Variants in TMC1 observed in about 807,000 individuals in gnomAD.
TMC1 encodes the protein transmembrane channel-like protein 1.
TMC1 carries 84 observed loss-of-function variants against 105.8 expected under a neutral mutation model. The observed-to-expected ratio is 0.79, with a 90% CI of 0.67 to 0.95. The LOEUF (loss-of-function observed/expected upper bound fraction) is 0.95, where lower values mean the gene tolerates loss of function less well. Ranked by LOEUF, TMC1 falls within the 40% of genes least tolerant of loss-of-function variation. TMC1 has a pLI of 0.00. For missense variants in TMC1, 817 were observed against 914.1 expected (o/e 0.89, Z 1.37); for synonymous variants, 315 against 311.5 (o/e 1.01, Z -0.12).
intron 2 of TMC1, among the ~76,000 whole-genome samples, chr9:72,615,277 G>C (rs1825107886): frequency 6.6e-6 from 1 of 152,094 alleles, no homozygotes; most frequent in Admixed American, 6.6e-5. Flanking sequence ...CCATTTTATA[G>C]ATGAAGAAAA....
chr9:72,701,781 C>T (rs1826650510), intron 8 of TMC1, among the ~76,000 whole-genome samples: 2 of 152,130 alleles, frequency 1.3e-5, no homozygotes. Flanking sequence ...TCTCTGTGCG[C>T]TTGAAGCGTA....
intron 23 of TMC1, among the ~76,000 whole-genome samples, chr9:72,834,740 T>A (rs1177417875): frequency 6.6e-6 from 1 of 152,078 alleles, no homozygotes; most frequent in African/African-American, 2.4e-5. Context: ...ATTATTCCAG[T>A]CTTCTGCCAG....
chr9:72,723,524 A>C (rs1273778246), intron 8 of TMC1, among the ~76,000 whole-genome samples: 2 of 152,206 alleles, frequency 1.3e-5, no homozygotes, highest in African/African-American at 4.8e-5. Flanking sequence ...AATGTCCGTG[A>C]CAGTTTTCTG....
chr9:72,831,742 C>T (rs111979415), intron 23 of TMC1, among the ~76,000 whole-genome samples: 1,567 of 152,152 alleles, frequency 0.01, 33 homozygotes, highest in African/African-American at 0.034. Context: ...CCAGCTTCAT[C>T]TATGTCCCTA....
chr9:72,653,165 G>C (rs1264084687), intron 5 of TMC1, among the ~76,000 whole-genome samples: 2 of 151,940 alleles, frequency 1.3e-5, no homozygotes, highest in African/African-American at 2.4e-5. Context: ...TTCTTTTTAA[G>C]TGCTCTGGGA....
At position 72,751,832 on chromosome 9, in the gene TMC1, T is replaced by C; in HGVS notation, c.536-18T>C. The C allele has an allele frequency of 6.5e-7, 1 of 1,547,412 alleles. No homozygotes were observed. The highest frequency in any genetic ancestry group is 1.4e-5 in the African/African-American group (1 of 73,780). ...TTGCTTTGATCTCTCTTCAAACTTT[T>C]TATTTTCTTTGTAATAGGTCAGTTT... On this transcript the variant is annotated intron_variant, in intron 10 of 23. Coordinates refer to ENST00000297784, the MANE Select transcript of TMC1 (RefSeq NM_138691.3).
Position 72,706,887 on chromosome 9 carries a change from G to A in TMC1, c.362+6244G>A, listed in dbSNP as rs549665262. 9.9e-5 allele frequency among the ~76,000 whole-genome samples: 15 copies of A among 150,790 alleles called. No homozygotes were observed. The South Asian group carries it at 3.1e-3, about 31-fold the overall frequency. The stretch of plus-strand genomic sequence containing the variant: ...CCTGCCAGGTTCAAGCGATTTTCCT[G>A]CCTCAGCCTCCTGAGTAGCTGGGAT... On this transcript the variant is annotated intron_variant, in intron 8 of 23. Transcript: ENST00000297784.
intron 8 of TMC1, among the ~76,000 whole-genome samples, chr9:72,727,949 A>G (rs780734787): frequency 1.3e-5 from 2 of 152,160 alleles, no homozygotes; most frequent in Non-Finnish European, 2.9e-5. Context: ...TAAAGTTACC[A>G]TTATAAAATG....
At chr9:72,789,487 C>G (rs984057106) in intron 15 of TMC1, among the ~76,000 whole-genome samples, 170 bp downstream of exon 15, 50 of 152,128 alleles carry the variant, frequency 3.3e-4, no homozygotes, top group African/African-American at 1.0e-3. Flanking sequence ...AGTCTTATTT[C>G]TAAATCTGGA....
intron 18 of TMC1, among the ~76,000 whole-genome samples, chr9:72,815,220 C>A (rs1056531065): frequency 1.3e-4 from 20 of 152,106 alleles, no homozygotes; most frequent in Non-Finnish European, 2.9e-5. Flanking sequence ...ATGCCTAATG[C>A]ATCACCAGGA....
chr9:72,672,825 C>T, intron 5 of TMC1, among the ~76,000 whole-genome samples: 1 of 75,184 alleles, frequency 1.3e-5, no homozygotes. Context: ...GCCTGGGCAA[C>T]ACACACACAC....
At chr9:72,655,987 G>T (rs950391880) in intron 5 of TMC1, 1 of 779,650 alleles carries the variant, frequency 1.3e-6, no homozygotes, top group Non-Finnish European at 2.3e-6. Context: ...TCACCACATG[G>T]AGTTTTTTCT....
intron 5 of TMC1, among the ~76,000 whole-genome samples, chr9:72,677,239 G>A (rs1271577054): frequency 6.6e-6 from 1 of 151,968 alleles, no homozygotes; most frequent in East Asian, 1.9e-4. Flanking sequence ...TCCTCATTGT[G>A]TAAGTTCCAC....
chr9:72,588,666 A>G (rs533566708), intron 2 of TMC1, among the ~76,000 whole-genome samples: 25 of 152,312 alleles, frequency 1.6e-4, no homozygotes, highest in African/African-American at 6.0e-4. Flanking sequence ...GTAGAGGCCA[A>G]TTTTAAGGGG....
At chr9:72,542,186 C>T (rs183794098) in intron 1 of TMC1, among the ~76,000 whole-genome samples, 19 of 152,070 alleles carry the variant, frequency 1.2e-4, no homozygotes, top group Admixed American at 1.0e-3. Context: ...AAGGGCCCGG[C>T]GCGGTGGCTC....
intron 8 of TMC1, among the ~76,000 whole-genome samples, chr9:72,710,773 T>C (rs1826821923): frequency 6.6e-6 from 1 of 152,162 alleles, no homozygotes; most frequent in Admixed American, 6.6e-5. Flanking sequence ...AGCAGATACT[T>C]AGTTGGTGAA....
intron 8 of TMC1, among the ~76,000 whole-genome samples, chr9:72,737,990 G>A (rs1827327626): frequency 6.6e-6 from 1 of 152,144 alleles, no homozygotes. Flanking sequence ...GTCTGGGAAT[G>A]ACTTTGCTTT....
chr9:72,745,383 A>G (rs1405466658), intron 10 of TMC1, among the ~76,000 whole-genome samples: 2 of 152,168 alleles, frequency 1.3e-5, no homozygotes, highest in Non-Finnish European at 1.5e-5. Context: ...AAGGTTTTAC[A>G]TACTTTTTCT....
rs1279654364 is a variant in TMC1, at chr9:72,836,368, G to A, written c.*395G>A. 1.5e-5 allele frequency: 3 copies of A among 197,562 alleles called. No homozygotes were observed. Among genetic ancestry groups the A allele is most frequent in the African/African-American group, 7.0e-5 (3 of 42,680 alleles). 12.2% of individuals were successfully genotyped at this position (197,562 alleles called of 1,614,324 possible). A position where few individuals can be genotyped will look rare whatever the true frequency, so the allele number is the denominator to read the frequency against. On this transcript the variant is annotated 3_prime_UTR_variant, in exon 24 of 24. Transcript: ENST00000297784. ...TCTTTTGCCTGAGTTTCCTTAAACT[G>A]AGAGCAGAAATATTTCACCCTTTTT...
Sources: allele counts gnomAD v4.1 joint callset (sites outside exome capture counted in the v4.1 genomes callset), GRCh38; gene constraint gnomAD v4.1.1; transcripts MANE v1.5; gene names NCBI Gene and HGNC (gene_info 2026-07-23, HGNC 2026-07-21).